SLC5A4: variants seen among roughly 807,000 people sequenced by gnomAD.
SLC5A4 encodes the protein solute carrier family 5 member 4, also known as probable glucose sensor protein SLC5A4.
In SLC5A4, 55 loss-of-function variants were observed where a neutral mutation model predicts 70.3. That is an observed-to-expected ratio of 0.78 (90% CI 0.63 to 0.98). The LOEUF is 0.98. SLC5A4 is among the 50% of genes least tolerant of loss of function. The pLI, the probability that SLC5A4 is intolerant of heterozygous loss-of-function variation, is 0.00. For missense variants in SLC5A4, 735 were observed against 839.2 expected (o/e 0.88, Z 1.53); for synonymous variants, 268 against 305.7 (o/e 0.88, Z 1.29).
the SLC5A4 span, among the ~76,000 whole-genome samples, chr22:32,305,709 A>C: frequency 1.5e-5 from 2 of 129,812 alleles, no homozygotes; most frequent in Non-Finnish European, 3.2e-5. Context: ...GTGGCTTTTC[A>C]GGAGCACGGT....
the SLC5A4 span, among the ~76,000 whole-genome samples, chr22:32,283,614 A>T: frequency 3.5e-4 from 53 of 152,328 alleles, no homozygotes; most frequent in African/African-American, 1.2e-3. Context: ...AGATGCACAG[A>T]AGTTCACCAT....
the SLC5A4 span, among the ~76,000 whole-genome samples, chr22:32,348,465 G>A: frequency 1.3e-5 from 2 of 152,192 alleles, no homozygotes; most frequent in African/African-American, 2.4e-5. Flanking sequence ...CCCAGTGGAG[G>A]CCAGGAAGGA....
chr22:32,255,923 G>A (rs1471043234), upstream of SLC5A4, among the ~76,000 whole-genome samples: 2 of 152,124 alleles, frequency 1.3e-5, no homozygotes, highest in African/African-American at 4.8e-5. Flanking sequence ...TGTGGAGAGC[G>A]CTGGGTCAGA....
chr22:32,239,518 TTATATATATATATATATATA>T (rs1173210993), intron 5 of SLC5A4, among the ~76,000 whole-genome samples: 13 of 25,230 alleles, frequency 5.2e-4, no homozygotes, highest in East Asian at 9.2e-3. Flanking sequence ...GGAGTGCATA[TTATATATATATATATATATA>T]TATATATATA....
At chr22:32,326,855 G>C in the SLC5A4 span, among the ~76,000 whole-genome samples, 1 of 152,180 alleles carries the variant, frequency 6.6e-6, no homozygotes, top group Non-Finnish European at 1.5e-5. Flanking sequence ...ATGTGGCCAC[G>C]GGAGCAGAGG....
chr22:32,240,427 A>T (rs192250107), intron 5 of SLC5A4, among the ~76,000 whole-genome samples: 1 of 133,468 alleles, frequency 7.5e-6, no homozygotes, highest in East Asian at 1.9e-4. Flanking sequence ...GCTAGTTATT[A>T]TATATGTGTG....
At chr22:32,264,026 C>T in the SLC5A4 span, among the ~76,000 whole-genome samples, 20 of 152,002 alleles carry the variant, frequency 1.3e-4, no homozygotes, top group Admixed American at 6.5e-5. Context: ...CATCATACAC[C>T]GGGGCCTGTC....
Position 32,234,932 on chromosome 22 carries a change from A to G in SLC5A4, c.826T>C (p.Trp276Arg). The change falls in exon 8 of 15, where the codon TGG (tryptophan) becomes CGG (arginine). Residue 276 changes from tryptophan to arginine, a missense_variant. Coordinates refer to ENST00000266086, the MANE Select transcript of SLC5A4 (RefSeq NM_014227.3). ...FRDAVTGDIPWPGIIFGMPIT... is the reference protein window; with the variant it reads ...FRDAVTGDIPRPGIIFGMPIT... ...GGCATTCCAAATATAATTCCTGGCC[A>G]TGGAATGTCCCCAGTCACAGCATCT... The G allele has an allele frequency of 1.2e-6, 2 of 1,613,116 alleles. No individual in the cohort carries two copies. The highest frequency in any genetic ancestry group is 1.7e-6 in the Non-Finnish European group (2 of 1,180,014).
chr22:32,234,790 A>T (rs781099295), intron 8 of SLC5A4, 83 bp downstream of exon 8: 3 of 983,592 alleles, frequency 3.1e-6, no homozygotes, highest in Non-Finnish European at 4.8e-6. Context: ...TTTCTATGAG[A>T]CAAGAAAGAA....
the SLC5A4 span, among the ~76,000 whole-genome samples, chr22:32,300,844 T>C: frequency 5.3e-5 from 8 of 152,254 alleles, no homozygotes; most frequent in Non-Finnish European, 1.2e-4. Flanking sequence ...TTCATCATTT[T>C]ATTTCTGTCA....
the SLC5A4 span, among the ~76,000 whole-genome samples, chr22:32,288,310 G>A: frequency 6.6e-6 from 1 of 152,170 alleles, no homozygotes; most frequent in Non-Finnish European, 1.5e-5. Context: ...GTGGGGCCAT[G>A]TGACTAGTTC....
chr22:32,306,297 C>G, the SLC5A4 span, among the ~76,000 whole-genome samples: 1 of 140,086 alleles, frequency 7.1e-6, no homozygotes, highest in Admixed American at 7.3e-5. Context: ...AACCCTATCT[C>G]TACTAAAAAT....
the SLC5A4 span, chr22:32,272,199 A>T: frequency 1.3e-6 from 1 of 749,218 alleles, no homozygotes; most frequent in Non-Finnish European, 2.5e-6. Flanking sequence ...GGAGGAGGTC[A>T]TGTCCTGAGG....
At chr22:32,222,105 C>G (rs1162799657) in intron 13 of SLC5A4, among the ~76,000 whole-genome samples, 2 of 152,164 alleles carry the variant, frequency 1.3e-5, no homozygotes, top group African/African-American at 4.8e-5. Context: ...TAAGTTATAC[C>G]TCATTTTAAT....
chr22:32,353,881 C>T, the SLC5A4 span, among the ~76,000 whole-genome samples: 1 of 151,812 alleles, frequency 6.6e-6, no homozygotes, highest in African/African-American at 2.4e-5. Flanking sequence ...AAACCGCCCC[C>T]CAACTGCGGG....
At chr22:32,326,923 T>C in the SLC5A4 span, among the ~76,000 whole-genome samples, 6 of 152,158 alleles carry the variant, frequency 3.9e-5, no homozygotes, top group Non-Finnish European at 8.8e-5. Context: ...TGGGTGCCTC[T>C]GGGAACTGGA....
chr22:32,318,419 T>G, the SLC5A4 span, among the ~76,000 whole-genome samples: 1 of 152,026 alleles, frequency 6.6e-6, no homozygotes, highest in African/African-American at 2.4e-5. Flanking sequence ...AATCCCAACC[T>G]TCCTCCCCCA....
the SLC5A4 span, among the ~76,000 whole-genome samples, chr22:32,299,813 T>C: frequency 7.8e-6 from 1 of 127,442 alleles, no homozygotes; most frequent in South Asian, 2.7e-4. Context: ...TTGATGATGG[T>C]GATGTACAGA....
the SLC5A4 span, among the ~76,000 whole-genome samples, chr22:32,333,205 C>CCCT: frequency 6.7e-6 from 1 of 148,976 alleles, no homozygotes; most frequent in African/African-American, 2.5e-5. Context: ...CACCCCCCCC[C>CCCT]CAGAAGACTC....
Sources: gnomAD v4.1 joint callset for allele counts (sites outside exome capture counted in the v4.1 genomes callset) on GRCh38, gnomAD v4.1.1 for gene constraint, MANE v1.5 for transcripts, NCBI Gene and HGNC (gene_info 2026-07-23, HGNC 2026-07-21) for gene names.